The following GFI1B variants were observed in gnomAD, a reference collection of about 807,000 sequenced individuals.
GFI1B encodes zinc finger protein Gfi-1b.
In GFI1B, 20 loss-of-function variants were observed where a neutral mutation model predicts 35.3. That is an observed-to-expected ratio of 0.57 (90% confidence interval 0.40 to 0.82). GFI1B has a LOEUF of 0.82. Among genes scored for constraint, GFI1B ranks in the 40% least tolerant of loss-of-function variants. The pLI, the probability that GFI1B is intolerant of heterozygous loss-of-function variation, is 0.00. For missense variants in GFI1B, 430 were observed against 446.3 expected (o/e 0.96, Z 0.33); for synonymous variants, 178 against 177.6 (o/e 1.00, Z -0.02).
chr9:132,991,000 C>T lies in GFI1B; in HGVS notation c.943C>T (p.Arg315Cys), dbSNP rs774517040. The change falls in exon 7 of 7, where the codon CGC (arginine) becomes TGC (cysteine). Residue 315 changes from arginine (R) to cysteine (C), a missense_variant. Arg to Cys is a radical substitution (Grantham distance 180). Coordinates refer to ENST00000372122, the MANE Select transcript of GFI1B (RefSeq NM_001377304.1). ...TGAGCTGTGCACCAAAGGCTTCCAG[C>T]GCAAGGTGGACCTGCGGCGGCACCG... The part of the protein sequence containing the change: ...SCELCTKGFQ[R>C]KVDLRRHRES... 7.4e-6 allele frequency: 12 copies of T among 1,614,186 alleles called. No homozygotes were observed. Among genetic ancestry groups the T allele is most frequent in the South Asian group, 5.5e-5 (5 of 91,092 alleles).
In GFI1B at chr9:132,982,355, C is replaced by A. The variant is rs746368671; in HGVS notation, c.-21+3514C>A. On this transcript the variant is annotated intron_variant, in intron 1 of 6. Transcript: ENST00000372122. The stretch of plus-strand genomic sequence containing the variant: ...AAATCAGACTCAACTCCTTGGGCAA[C>A]AAAGGGGCCTCATTACAGGGACATC... Among the ~76,000 whole-genome samples, 13 of 152,308 alleles carry A rather than the reference C, an allele frequency of 8.5e-5. No individual in the cohort carries two copies. The South Asian group carries it at 2.1e-3, about 24-fold the overall frequency.
chr9:132,987,000 C>T (rs541985440), intron 2 of GFI1B, among the ~76,000 whole-genome samples: 24 of 152,352 alleles, frequency 1.6e-4, no homozygotes, highest in African/African-American at 5.5e-4. Flanking sequence ...GGAGCCAGTA[C>T]TTAGTTACTG....
intron 1 of GFI1B, among the ~76,000 whole-genome samples, chr9:132,966,870 C>T (rs1848458633): frequency 6.6e-6 from 1 of 152,170 alleles, no homozygotes; most frequent in South Asian, 2.1e-4. Flanking sequence ...AAGCCTAGGA[C>T]CTGACTTCCA....
upstream of GFI1B, among the ~76,000 whole-genome samples, chr9:132,977,357 C>T (rs1848661962): frequency 6.6e-6 from 1 of 152,094 alleles, no homozygotes; most frequent in African/African-American, 2.4e-5. Flanking sequence ...GGACTGACAC[C>T]CCAGCATTAC....
chr9:132,978,142 A>T (rs1438764721), upstream of GFI1B, among the ~76,000 whole-genome samples: 2 of 151,026 alleles, frequency 1.3e-5, no homozygotes, highest in Non-Finnish European at 3.0e-5. Context: ...GAGGCAGGGA[A>T]AAAAGGAGGG....
intron 1 of GFI1B, among the ~76,000 whole-genome samples, chr9:132,966,882 GA>G (rs778338617): frequency 1.3e-5 from 2 of 152,200 alleles, no homozygotes; most frequent in African/African-American, 2.4e-5. Context: ...TGACTTCCAG[GA>G]CACAGTGAGG....
upstream of GFI1B, among the ~76,000 whole-genome samples, chr9:132,977,698 T>C (rs147558893): frequency 0.015 from 2,221 of 151,646 alleles, 28 homozygotes; most frequent in Non-Finnish European, 0.024. Context: ...AGCCAGGGGA[T>C]GGGACGCCCT....
intron 1 of GFI1B, chr9:132,962,730 A>T: frequency 2.5e-6 from 1 of 402,976 alleles, no homozygotes. Flanking sequence ...TCACCATATC[A>T]AGCTGAAAAT....
intron 1 of GFI1B, among the ~76,000 whole-genome samples, chr9:132,957,773 A>G (rs1471082374): frequency 1.3e-5 from 2 of 152,194 alleles, no homozygotes; most frequent in African/African-American, 4.8e-5. Flanking sequence ...GTGTAATAAT[A>G]ACAAGAATGA....
At chr9:132,958,672 A>G (rs947135227) in intron 1 of GFI1B, among the ~76,000 whole-genome samples, 5 of 152,224 alleles carry the variant, frequency 3.3e-5, no homozygotes, top group African/African-American at 9.6e-5. Flanking sequence ...GGGCAGGGAC[A>G]CACATCCAAA....
chr9:132,968,303 G>T (rs1349417676), intron 1 of GFI1B, among the ~76,000 whole-genome samples: 2 of 150,922 alleles, frequency 1.3e-5, no homozygotes, highest in East Asian at 3.9e-4. Flanking sequence ...TTTTTTTTTA[G>T]TAGAGACGAG....
intron 1 of GFI1B, among the ~76,000 whole-genome samples, chr9:132,980,181 C>G (rs1848770417): frequency 6.6e-6 from 1 of 152,172 alleles, no homozygotes; most frequent in South Asian, 2.1e-4. Flanking sequence ...TCACTCAAAA[C>G]CAGCGCAGAC....
intron 1 of GFI1B, among the ~76,000 whole-genome samples, chr9:132,969,445 G>A (rs918415188): frequency 6.6e-6 from 1 of 152,206 alleles, no homozygotes; most frequent in Non-Finnish European, 1.5e-5. Context: ...CATCCAGGTT[G>A]TTGCCTGTGT....
chr9:132,952,440 C>CG lies in GFI1B; in HGVS notation c.-701+6774dup, dbSNP rs531945613. On this transcript the variant is annotated intron_variant, in intron 1 of 10. Transcript: ENST00000339463. ...AAGTGACCCTCCCACCTCAACCTCC[C>CG]GGGTAGCTGAGACTATAGACATGCC... The CG allele has an allele frequency of 4.3e-4, 65 of 152,210 alleles. 1 individual carries two copies. Among genetic ancestry groups the CG allele is most frequent in the African/African-American group, 1.5e-3 (63 of 41,512 alleles). 9.4% of individuals were successfully genotyped at this position (152,210 alleles called of 1,614,324 possible). A position where few individuals can be genotyped will look rare whatever the true frequency, so the allele number is the denominator to read the frequency against.
At chr9:132,970,181 T>G (rs1848511829) in intron 1 of GFI1B, among the ~76,000 whole-genome samples, 2 of 152,164 alleles carry the variant, frequency 1.3e-5, no homozygotes, top group African/African-American at 2.4e-5. Context: ...CTTCATTTCC[T>G]TATATGTTCC....
At chr9:132,984,676 C>T (rs7853926) in intron 1 of GFI1B, among the ~76,000 whole-genome samples, 13,682 of 152,250 alleles carry the variant, frequency 0.09, 694 homozygotes, top group Middle Eastern at 0.13. Flanking sequence ...CCCACCATCC[C>T]ATGTGGTTGG....
chr9:132,976,850 G>A (rs1447809416), upstream of GFI1B, among the ~76,000 whole-genome samples: 1 of 152,186 alleles, frequency 6.6e-6, no homozygotes, highest in African/African-American at 2.4e-5. Flanking sequence ...GCTGAAGCAG[G>A]AGGATCTCTT....
intron 1 of GFI1B, among the ~76,000 whole-genome samples, chr9:132,949,022 G>A (rs779993419): frequency 1.3e-5 from 2 of 152,196 alleles, no homozygotes; most frequent in Admixed American, 1.3e-4. Context: ...TGTCTCACCC[G>A]TGGTGTTAGT....
Position 132,987,264 on chromosome 9 carries a change from G to T in GFI1B, c.101-18G>T. On this transcript the variant is annotated intron_variant, in intron 2 of 6. Transcript: ENST00000372122. ...AGAAACCGTGGCTATTGATGCTGAT[G>T]GTCCTATCTCCCCACAGTGCCCAGA... 1.2e-6 allele frequency: 2 copies of T among 1,612,892 alleles called. No homozygotes were observed. The highest frequency in any genetic ancestry group is 8.5e-7 in the Non-Finnish European group (1 of 1,179,384).
Sources: gnomAD v4.1 joint callset for allele counts (sites outside exome capture counted in the v4.1 genomes callset) on GRCh38, gnomAD v4.1.1 for gene constraint, MANE v1.5 for transcripts, NCBI Gene and HGNC (gene_info 2026-07-23, HGNC 2026-07-21) for gene names.